The following XIRP1 variants were observed in gnomAD, a reference collection of about 807,000 sequenced individuals.
The protein encoded by XIRP1 is xin actin binding repeat containing 1, also known as xin actin-binding repeat-containing protein 1.
For synonymous variants in XIRP1, 984 were observed against 947.0 expected, an observed-to-expected ratio of 1.04 and a Z score of -0.72; for missense variants, 2,378 against 2,345.4, an observed-to-expected ratio of 1.01 and a Z score of -0.29.
rs777635350 is a variant in XIRP1, at chr3:39,186,031, G to C, written c.3415C>G (p.Gln1139Glu). 7 of 1,613,850 alleles carry C rather than the reference G, an allele frequency of 4.3e-6. No individual in the cohort carries two copies. The highest frequency in any genetic ancestry group is 5.9e-6 in the Non-Finnish European group (7 of 1,179,902). Reference protein sequence around the residue: ...RGLPGGWVTIQDGIYTAHPVR... With the variant: ...RGLPGGWVTIEDGIYTAHPVR... Reference sequence around the variant, plus strand: ...GGATGAGCGGTGTAGATGCCATCCTGAATTGTCACCCACCCCCCAGGCAGC... The same window carrying C: ...GGATGAGCGGTGTAGATGCCATCCTCAATTGTCACCCACCCCCCAGGCAGC... The change falls in exon 2 of 2, where the codon CAG becomes GAG. Residue 1139 changes from glutamine (Q) to glutamate (E), a missense_variant. Gln to Glu is a conservative substitution (Grantham distance 29, BLOSUM62 2). Transcript: ENST00000340369.
Position 39,184,157 on chromosome 3 carries a change from T to G in XIRP1, c.5289A>C (p.Gly1763=). Residue 1763 remains glycine (G), a synonymous_variant, in exon 2 of 2, where the codon GGA becomes GGC. Coordinates refer to ENST00000340369, the MANE Select transcript of XIRP1 (RefSeq NM_194293.4). ...ACTGTTCAGTCACGGTTCTCATGGC[T>G]CCATAGTGTTGTGAGCTCCCTGGCC... is the stretch of plus-strand genomic sequence containing the variant. ...QTGPGSSQHY[G]AMRTVTEQYE... is the part of the protein sequence containing the mutation. The G allele has an allele frequency of 6.2e-7, 1 of 1,613,624 alleles. No homozygotes were observed. Among genetic ancestry groups the G allele is most frequent in the South Asian group, 1.1e-5 (1 of 90,982 alleles).
intron 1 of XIRP1, 136 bp from the exon 2 acceptor site, chr3:39,189,661 C>T: frequency 1.5e-6 from 1 of 658,038 alleles, no homozygotes; most frequent in African/African-American, 1.8e-5. Flanking sequence ...GGCAACAGGT[C>T]TTGAACTTAG....
intron 1 of XIRP1, among the ~76,000 whole-genome samples, chr3:39,191,032 A>C (rs1341227832): frequency 6.6e-6 from 1 of 152,142 alleles, no homozygotes; most frequent in African/African-American, 2.4e-5. Flanking sequence ...TGGCCAAAGG[A>C]GTCTGCACTG....
rs575513937 is a variant in XIRP1, at chr3:39,187,304, C to G, written c.2142G>C (p.Arg714=). ...EAGKKEEQEP[R]VIAGSIPAGS... ...CCGCGGGGATGGACCCAGCGATTAC[C>G]CGGGGCTCCTGTTCTTCCTTCTTGC... is the stretch of plus-strand genomic sequence containing the variant. The change falls in exon 2 of 2, where the codon CGG becomes CGC. Residue 714 remains arginine, a synonymous_variant. Transcript: ENST00000340369. The G allele has an allele frequency of 4.4e-6, 7 of 1,591,196 alleles. No individual in the cohort carries two copies. In the East Asian group the frequency reaches 9.0e-5, roughly 20 times the overall value.
In XIRP1 at chr3:39,188,429, A is replaced by T; in HGVS notation, c.1017T>A (p.Gly339=). 6.2e-7 allele frequency: 1 copy of T among 1,607,010 alleles called. No homozygotes were observed. Among genetic ancestry groups the T allele is most frequent in the Non-Finnish European group, 8.5e-7 (1 of 1,174,742 alleles). Residue 339 remains glycine, a synonymous_variant, in exon 2 of 2, where the codon GGT becomes GGA. Transcript: ENST00000340369. ...GATGCTGCTGCTGCTGAACATCTGG[A>T]CCAGGTGGGATAAGGTCTGGGGATG... ...FQPSPDLIPP[G]PDVQQQQHLF...
Position 39,185,774 on chromosome 3 carries a change from G to A in XIRP1, c.3672C>T (p.Thr1224=). Residue 1224 remains threonine, a synonymous_variant, in exon 2 of 2, where the codon ACC becomes ACT. Transcript: ENST00000340369. ...GGCCTAGAGGGGCAGTCTTCAGGGT[G>A]GTCTCTGCAGCTTGGAGGCCCCCTG... is the stretch of plus-strand genomic sequence containing the variant. ...VCPGGLQAAE[T]TLKTAPLGRH... 6.2e-7 allele frequency: 1 copy of A among 1,610,020 alleles called. No individual in the cohort carries two copies. Among genetic ancestry groups the A allele is most frequent in the South Asian group, 1.1e-5 (1 of 90,536 alleles).
chr3:39,184,992 G>C lies in XIRP1; in HGVS notation c.4454C>G (p.Ala1485Gly). The C allele has an allele frequency of 6.6e-7, 1 of 1,522,184 alleles. No individual in the cohort carries two copies. The highest frequency in any genetic ancestry group is 8.8e-7 in the Non-Finnish European group (1 of 1,137,852). The allele number at this position is 1,522,184 out of a possible 1,614,324, so 94.3% of individuals were successfully genotyped here. Residue 1485 changes from alanine to glycine, a missense_variant, in exon 2 of 2, where the codon GCC (alanine) becomes GGC (glycine). Coordinates refer to ENST00000340369, the MANE Select transcript of XIRP1 (RefSeq NM_194293.4). ...GGCCTGCACGTCCACACTGCTTGCG[G>C]CCTCCTTCTCCAGGGCTTGCACCTG... is the stretch of plus-strand genomic sequence containing the variant. The part of the protein sequence containing the change: ...LNQVQALEKE[A>G]ASSVDVQALR...
At position 39,187,777 on chromosome 3, in the gene XIRP1, G is replaced by A. The variant is rs769950852; in HGVS notation, c.1669C>T (p.Gln557Ter). ...VGTARWLFET[Q>*]PLEMIHQREQ... ...CGTTGGTGGATCATCTCCAGGGGCT[G>A]GGTCTCAAAAAGCCACCGAGCTGTG... Residue 557 changes from glutamine (Q) to a stop codon, truncating the protein, a stop_gained, in exon 2 of 2, where the codon CAG becomes TAG. Coordinates refer to ENST00000340369, the MANE Select transcript of XIRP1 (RefSeq NM_194293.4). LOFTEE classifies it low-confidence loss of function (END_TRUNC). 1 of 1,614,022 alleles carries A rather than the reference G, an allele frequency of 6.2e-7. No homozygotes were observed. The highest frequency in any genetic ancestry group is 1.1e-5 in the South Asian group (1 of 91,078).
chr3:39,186,981 A>C lies in XIRP1; in HGVS notation c.2465T>G (p.Leu822Arg), dbSNP rs777538496. The C allele has an allele frequency of 2.9e-5, 47 of 1,605,314 alleles. No individual in the cohort carries two copies. The highest frequency in any genetic ancestry group is 4.0e-5 in the Non-Finnish European group (47 of 1,172,762). The stretch of plus-strand genomic sequence containing the variant: ...GATCCTGGGAAGTTCACCTGACACC[A>C]GCTCCTCCTTTCGTATATAAGGGTG... ...QGHPYIRKEE[L>R]VSGELPRIIC... Residue 822 changes from leucine (L) to arginine (R), a missense_variant, in exon 2 of 2, where the codon CTG (leucine) becomes CGG (arginine). Coordinates refer to ENST00000340369, the MANE Select transcript of XIRP1 (RefSeq NM_194293.4).
chr3:39,185,750 G>A lies in XIRP1; in HGVS notation c.3696C>T (p.Gly1232=). 1.2e-6 allele frequency: 2 copies of A among 1,607,826 alleles called. No individual in the cohort carries two copies. The highest frequency in any genetic ancestry group is 1.7e-6 in the Non-Finnish European group (2 of 1,176,624). The change falls in exon 2 of 2, where the codon GGC becomes GGT. Residue 1232 remains glycine (G), a synonymous_variant. Transcript: ENST00000340369. ...AETTLKTAPL[G]RHILASGPQA... ...GGGGCCCAGAGGCCAGAATGTGGCG[G>A]CCTAGAGGGGCAGTCTTCAGGGTGG...
rs1427919875 is a variant in XIRP1 at position 39,184,466 on chromosome 3, TA to T, written c.4979del (p.Leu1660TyrfsTer24). On this transcript the variant is annotated frameshift_variant, in exon 2 of 2. Transcript: ENST00000340369. LOFTEE classifies it low-confidence loss of function (END_TRUNC). ...AGGAGGGAGAATCTCGGCTGGAAGG[TA>T]AAACCCGAGGAGGGCACAAATACTC... ...SREYLCPPRV[L>X]PSSRDSPSSP... 16 of 1,614,046 alleles carry T rather than the reference TA, an allele frequency of 9.9e-6. No homozygotes were observed. The highest frequency in any genetic ancestry group is 1.4e-5 in the Non-Finnish European group (16 of 1,180,026).
Position 39,185,083 on chromosome 3 carries a change from G to C in XIRP1, c.4363C>G (p.Gln1455Glu), listed in dbSNP as rs774172929. 1 of 1,526,578 alleles carries C rather than the reference G, an allele frequency of 6.6e-7. No homozygotes were observed. Among genetic ancestry groups the C allele is most frequent in the South Asian group, 1.3e-5 (1 of 75,688 alleles). The allele number at this position is 1,526,578 out of a possible 1,614,324, so 94.6% of individuals were successfully genotyped here. Residue 1455 changes from glutamine (Q) to glutamate (E), a missense_variant, in exon 2 of 2, where the codon CAA (glutamine) becomes GAA (glutamate). By Grantham distance (29) the Gln-to-Glu change is conservative. Coordinates refer to ENST00000340369, the MANE Select transcript of XIRP1 (RefSeq NM_194293.4). The part of the protein sequence containing the change: ...SGEQPMEGSH[Q>E]GAPESPDSLQ... ...CTGTCAGGGCTCTCAGGGGCCCCTTGGTGGGAACCTTCCATGGGCTGCTCT... is the reference window on the plus strand; with the variant it reads ...CTGTCAGGGCTCTCAGGGGCCCCTTCGTGGGAACCTTCCATGGGCTGCTCT...
At position 39,185,051 on chromosome 3, in the gene XIRP1, T is replaced by C; in HGVS notation, c.4395A>G (p.Gln1465=). The C allele has an allele frequency of 1.3e-6, 2 of 1,522,216 alleles. No individual in the cohort carries two copies. Among genetic ancestry groups the C allele is most frequent in the Non-Finnish European group, 1.8e-6 (2 of 1,138,630 alleles). 94.3% of individuals were successfully genotyped at this position (1,522,216 alleles called of 1,614,324 possible). ...GGCCCTGGAGCTCTTTCTGGTTTCT[T>C]TGCAGACTGTCAGGGCTCTCAGGGG... is the stretch of plus-strand genomic sequence containing the variant. ...QGAPESPDSL[Q]RNQKELQGLL... Residue 1465 remains glutamine, a synonymous_variant, in exon 2 of 2, where the codon CAA becomes CAG. Transcript: ENST00000340369.
rs1575180111 is a variant in XIRP1, at chr3:39,186,519, A to G, written c.2927T>C (p.Leu976Pro). 1 of 1,612,772 alleles carries G rather than the reference A, an allele frequency of 6.2e-7. No homozygotes were observed. The highest frequency in any genetic ancestry group is 2.2e-5 in the East Asian group (1 of 44,826). Residue 976 changes from leucine (L) to proline (P), a missense_variant, in exon 2 of 2, where the codon CTG becomes CCG. Coordinates refer to ENST00000340369, the MANE Select transcript of XIRP1 (RefSeq NM_194293.4). ...PTESIIHVPP[L>P]DPSMGMGHLR... ...ATGCCCCATCCCCATGCTGGGGTCC[A>G]GTGGGGGAACATGGATGATGCTCTC...
At position 39,188,282 on chromosome 3, in the gene XIRP1, CT is replaced by C; in HGVS notation, c.1163del (p.Lys388SerfsTer47). On this transcript the variant is annotated frameshift_variant, in exon 2 of 2. Transcript: ENST00000340369. LOFTEE classifies it low-confidence loss of function (END_TRUNC). ...CCTTGTCTCTGAAAGCATCCAGGGG[CT>C]TTGTTTCAAATAGCCACAGGGTGGA... ...VRSTLWLFET[K>X]PLDAFRDKVQ... is the part of the protein sequence containing the mutation. The C allele has an allele frequency of 6.2e-7, 1 of 1,614,212 alleles. No individual in the cohort carries two copies. Among genetic ancestry groups the C allele is most frequent in the Non-Finnish European group, 8.5e-7 (1 of 1,180,036 alleles).
chr3:39,183,841 G>T lies in XIRP1; in HGVS notation c.*73C>A. ...TGGTCCTTGCTCCAGTGTACAGGAG[G>T]CAGGTACCCACTTCAGTCCTGGGGC... On this transcript the variant is annotated 3_prime_UTR_variant, in exon 2 of 2. Coordinates refer to ENST00000340369, the MANE Select transcript of XIRP1 (RefSeq NM_194293.4). 2 of 1,525,498 alleles carry T rather than the reference G, an allele frequency of 1.3e-6. No individual in the cohort carries two copies. The highest frequency in any genetic ancestry group is 1.8e-6 in the Non-Finnish European group (2 of 1,139,074). The allele number at this position is 1,525,498 out of a possible 1,614,324, so 94.5% of individuals were successfully genotyped here.
Position 39,189,421 on chromosome 3 carries a change from C to T in XIRP1, c.25G>A (p.Ala9Thr), listed in dbSNP as rs200072362. 295 of 1,599,780 alleles carry T rather than the reference C, an allele frequency of 1.8e-4. 1 individual carries two copies. The Middle Eastern group carries it at 5.4e-3, about 29-fold the overall frequency. Residue 9 changes from alanine (A) to threonine (T), a missense_variant, in exon 2 of 2, where the codon GCC becomes ACC. Transcript: ENST00000340369. ...GCCATCCTCATGGTTGGTGTGGGGG[C>T]CACCTGTGTCTGGGTGTCGGCCATC... MADTQTQV[A>T]PTPTMRMATA...
chr3:39,185,885 C>T lies in XIRP1; in HGVS notation c.3561G>A (p.Gln1187=). 6.2e-7 allele frequency: 1 copy of T among 1,613,494 alleles called. No individual in the cohort carries two copies. Among genetic ancestry groups the T allele is most frequent in the Non-Finnish European group, 8.5e-7 (1 of 1,179,706 alleles). Residue 1187 remains glutamine, a synonymous_variant, in exon 2 of 2, where the codon CAG becomes CAA. Transcript: ENST00000340369. The part of the protein sequence containing the change: ...APRPLQGGPG[Q]STGPGREEPG... Reference sequence around the variant, plus strand: ...GCTCCTCCCGCCCTGGCCCAGTACTCTGACCTGGGCCTCCCTGGAGTGGGC... The same window carrying T: ...GCTCCTCCCGCCCTGGCCCAGTACTTTGACCTGGGCCTCCCTGGAGTGGGC...
rs1050145917 is a variant in XIRP1, at chr3:39,185,605, G to A, written c.3841C>T (p.Gln1281Ter). The change falls in exon 2 of 2, where the codon CAG becomes TAG. Residue 1281 changes from glutamine (Q) to a stop codon, truncating the protein, a stop_gained. Transcript: ENST00000340369. LOFTEE classifies it low-confidence loss of function (END_TRUNC). ...AGAHRAEDSI[Q>*]QASEPLKDPL... ...TCCTTCAGGGGCTCAGAGGCTTGCTGGATGGAGTCCTCAGCACGGTGGGCT... is the reference window on the plus strand; with the variant it reads ...TCCTTCAGGGGCTCAGAGGCTTGCTAGATGGAGTCCTCAGCACGGTGGGCT... 2 of 1,607,784 alleles carry A rather than the reference G, an allele frequency of 1.2e-6. No homozygotes were observed. Among genetic ancestry groups the A allele is most frequent in the African/African-American group, 2.7e-5 (2 of 74,718 alleles).
Sources: gnomAD v4.1 joint callset for allele counts (sites outside exome capture counted in the v4.1 genomes callset) on GRCh38, gnomAD v4.1.1 for gene constraint, MANE v1.5 for transcripts, NCBI Gene and HGNC (gene_info 2026-07-23, HGNC 2026-07-21) for gene names.